Variants in RALYL observed in about 807,000 individuals in gnomAD.
RALYL encodes RNA-binding Raly-like protein.
In RALYL, 29 loss-of-function variants were observed where a neutral mutation model predicts 35.1. The observed-to-expected ratio is 0.83, with a 90% CI of 0.61 to 1.13. The LOEUF is 1.13. Ranked by LOEUF, RALYL falls within the 50% of genes most tolerant of loss-of-function variation. The pLI is 0.00. For missense variants in RALYL, 359 were observed against 360.4 expected (o/e 1.00, Z 0.03); for synonymous variants, 120 against 127.6 (o/e 0.94, Z 0.40).
At chr8:84,308,251 AC>A (rs1343882191) in intron 1 of RALYL, among the ~76,000 whole-genome samples, 1 of 152,190 alleles carries the variant, frequency 6.6e-6, no homozygotes, top group Non-Finnish European at 1.5e-5. Context: ...ATAAAAATAA[AC>A]CATCTTGACA....
At chr8:84,698,291 A>C (rs971353643) in intron 2 of RALYL, among the ~76,000 whole-genome samples, 1 of 152,146 alleles carries the variant, frequency 6.6e-6, no homozygotes, top group Non-Finnish European at 1.5e-5. Flanking sequence ...TTATGATTCC[A>C]TTTAGCTTCT....
chr8:84,523,581 T>C (rs1400843745), intron 1 of RALYL, among the ~76,000 whole-genome samples: 1 of 151,822 alleles, frequency 6.6e-6, no homozygotes, highest in Non-Finnish European at 1.5e-5. Flanking sequence ...TAGTTACATA[T>C]GTATACATGT....
In RALYL at chr8:84,454,968, C is replaced by T. The variant is rs1248947607; in HGVS notation, c.-23-74331C>T. Among the ~76,000 whole-genome samples, 7 of 152,070 alleles carry T rather than the reference C, an allele frequency of 4.6e-5. No individual in the cohort carries two copies. In the South Asian group the frequency reaches 6.2e-4, roughly 14 times the overall value. On this transcript the variant is annotated intron_variant, in intron 1 of 8. Transcript: ENST00000521268. ...ACACTGCAGAAAGACTATATCAATG[C>T]GTAAAAGATTCACATAATCTGAAGC...
At chr8:84,332,315 A>G (rs981350708) in intron 1 of RALYL, among the ~76,000 whole-genome samples, 3 of 152,138 alleles carry the variant, frequency 2.0e-5, no homozygotes, top group African/African-American at 7.2e-5. Flanking sequence ...CTTAAGAATC[A>G]GCAGAAAAAA....
chr8:84,503,053 A>G (rs1201758645), intron 1 of RALYL, among the ~76,000 whole-genome samples: 1 of 152,148 alleles, frequency 6.6e-6, no homozygotes, highest in Non-Finnish European at 1.5e-5. Context: ...GCACGGGAAT[A>G]GAGAAAAATA....
chr8:84,835,296 G>C (rs1355718916), intron 4 of RALYL, among the ~76,000 whole-genome samples: 1 of 152,086 alleles, frequency 6.6e-6, no homozygotes, highest in Non-Finnish European at 1.5e-5. Context: ...TCAAAGAATA[G>C]CACAGAAAGT....
At chr8:84,351,408 C>T (rs1001705306) in intron 1 of RALYL, among the ~76,000 whole-genome samples, 1 of 149,740 alleles carries the variant, frequency 6.7e-6, no homozygotes, top group African/African-American at 2.5e-5. Context: ...AAAAAATAGC[C>T]TATTCTTTAT....
chr8:84,640,053 C>T (rs1825987590), intron 2 of RALYL, among the ~76,000 whole-genome samples: 1 of 151,876 alleles, frequency 6.6e-6, no homozygotes, highest in African/African-American at 2.4e-5. Context: ...CTTTGATAAG[C>T]CCCAGCTATA....
chr8:84,614,537 C>T (rs1328689602), intron 2 of RALYL, among the ~76,000 whole-genome samples: 3 of 151,634 alleles, frequency 2.0e-5, no homozygotes, highest in African/African-American at 4.9e-5. Flanking sequence ...GTTTAACTTA[C>T]TTGTGGAATA....
rs202116573 is a variant in RALYL at position 84,774,654 on chromosome 8, G to T, written c.332G>T (p.Arg111Ile). The T allele has an allele frequency of 5.6e-6, 9 of 1,602,684 alleles. No individual in the cohort carries two copies. Among genetic ancestry groups the T allele is most frequent in the Non-Finnish European group, 7.7e-6 (9 of 1,172,826 alleles). ...GNKRPLSALY[R>I]LESKEPFLSV... Reference sequence around the variant, plus strand: ...AAGAGGCCCCTTTCTGCACTTTACAGGTAAGTAGATAAGCACTGTTTTACT... The same window carrying T: ...AAGAGGCCCCTTTCTGCACTTTACATGTAAGTAGATAAGCACTGTTTTACT... The change falls in exon 3 of 9, where the codon AGA (arginine) becomes ATA (isoleucine). Residue 111 changes from arginine to isoleucine, a missense_variant and splice_region_variant. Coordinates refer to ENST00000521268, the MANE Select transcript of RALYL (RefSeq NM_173848.7).
At chr8:84,842,507 A>C (rs949627511) in intron 4 of RALYL, among the ~76,000 whole-genome samples, 4 of 152,240 alleles carry the variant, frequency 2.6e-5, no homozygotes, top group Non-Finnish European at 5.9e-5. Flanking sequence ...GTCCAGGACC[A>C]GACAGATTCA....
At chr8:84,647,764 G>C (rs1385095058) in intron 2 of RALYL, among the ~76,000 whole-genome samples, 1 of 152,070 alleles carries the variant, frequency 6.6e-6, no homozygotes, top group Non-Finnish European at 1.5e-5. Flanking sequence ...GTATGTTATG[G>C]TGATCATTAT....
At chr8:84,545,877 C>A (rs2060320143) in intron 2 of RALYL, among the ~76,000 whole-genome samples, 1 of 152,078 alleles carries the variant, frequency 6.6e-6, no homozygotes, top group Admixed American at 6.6e-5. Context: ...GTAAAGATAT[C>A]TTACATTTTA....
chr8:84,750,190 T>C (rs1402551516), intron 2 of RALYL, among the ~76,000 whole-genome samples: 2 of 152,202 alleles, frequency 1.3e-5, no homozygotes, highest in Non-Finnish European at 2.9e-5. Flanking sequence ...CTTGTTACTT[T>C]ACATAATCAG....
intron 8 of RALYL, among the ~76,000 whole-genome samples, chr8:84,904,043 G>A (rs1004654970): frequency 1.2e-4 from 19 of 152,266 alleles, no homozygotes; most frequent in East Asian, 3.9e-4. Context: ...CAGGCAGGCC[G>A]CTTCATTCTC....
intron 1 of RALYL, among the ~76,000 whole-genome samples, chr8:84,304,924 AT>A (rs957344475): frequency 1.3e-5 from 2 of 152,142 alleles, no homozygotes; most frequent in Non-Finnish European, 2.9e-5. Flanking sequence ...TGATCTTGGA[AT>A]TTTTACATAC....
intron 2 of RALYL, among the ~76,000 whole-genome samples, chr8:84,771,812 T>G (rs1262557446): frequency 6.6e-6 from 1 of 152,080 alleles, no homozygotes; most frequent in Non-Finnish European, 1.5e-5. Context: ...TATGGTTCTT[T>G]TCACTGTCTT....
intron 4 of RALYL, among the ~76,000 whole-genome samples, chr8:84,815,564 T>TTAA (rs1244094943): frequency 6.6e-6 from 1 of 151,418 alleles, no homozygotes; most frequent in Non-Finnish European, 1.5e-5. Flanking sequence ...ACCTTGTTTT[T>TTAA]TAATGGAGGG....
At chr8:84,526,298 C>T (rs989337037) in intron 1 of RALYL, among the ~76,000 whole-genome samples, 4 of 152,212 alleles carry the variant, frequency 2.6e-5, no homozygotes, top group East Asian at 1.9e-4. Context: ...CTTTGACAGA[C>T]ATTTGGGTTG....
Sources: allele counts gnomAD v4.1 joint callset (sites outside exome capture counted in the v4.1 genomes callset), GRCh38; gene constraint gnomAD v4.1.1; transcripts MANE v1.5; gene names NCBI Gene and HGNC (gene_info 2026-07-23, HGNC 2026-07-21).